Variants in MCTP1 observed in about 807,000 individuals in gnomAD.
MCTP1 encodes the protein multiple C2 and transmembrane domain containing 1, also known as multiple C2 and transmembrane domain-containing protein 1.
Under a neutral mutation model 120.6 loss-of-function variants are expected in MCTP1, and 69 were observed. The ratio of observed to expected loss-of-function variants is 0.57; its 90% CI spans 0.47 to 0.70. The LOEUF (loss-of-function observed/expected upper bound fraction) is 0.70, where lower values mean the gene tolerates loss of function less well. Ranked by LOEUF, MCTP1 falls within the 30% of genes least tolerant of loss-of-function variation. The probability of loss-of-function intolerance (pLI) is 0.00; values close to 1 mark genes in which losing one functional copy is unlikely to be tolerated. For synonymous variants in MCTP1, 529 were observed against 493.1 expected, an observed-to-expected ratio of 1.07 and a Z score of -0.96; for missense variants, 1,203 against 1,248.8, an observed-to-expected ratio of 0.96 and a Z score of 0.55.
At chr5:94,782,670 G>T (rs1374773694) in intron 18 of MCTP1, among the ~76,000 whole-genome samples, 3 of 152,102 alleles carry the variant, frequency 2.0e-5, no homozygotes, top group Admixed American at 2.0e-4. Flanking sequence ...CAAAAGAAGG[G>T]AGTCCTGGTA....
At chr5:95,047,347 G>C (rs1486354099) in intron 1 of MCTP1, among the ~76,000 whole-genome samples, 2 of 152,120 alleles carry the variant, frequency 1.3e-5, no homozygotes, top group African/African-American at 4.8e-5. Context: ...ACAGACTCAT[G>C]CTGCTCCCTG....
chr5:95,171,092 G>T (rs932932090), intron 1 of MCTP1, among the ~76,000 whole-genome samples: 1 of 152,060 alleles, frequency 6.6e-6, no homozygotes, highest in African/African-American at 2.4e-5. Flanking sequence ...AGGAGCTCTT[G>T]TAGGGCAGGC....
chr5:94,719,896 G>A (rs1480005569), intron 19 of MCTP1, among the ~76,000 whole-genome samples: 2 of 152,066 alleles, frequency 1.3e-5, no homozygotes, highest in East Asian at 1.9e-4. Context: ...TTGGGAGGCC[G>A]AGACAGGCAG....
chr5:95,048,927 A>G (rs1010734813), intron 1 of MCTP1, among the ~76,000 whole-genome samples: 7 of 152,158 alleles, frequency 4.6e-5, no homozygotes, highest in Non-Finnish European at 8.8e-5. Flanking sequence ...ATTTACTTCC[A>G]AAGAACTCCA....
At chr5:95,167,319 T>C (rs1746539279) in intron 1 of MCTP1, among the ~76,000 whole-genome samples, 1 of 152,352 alleles carries the variant, frequency 6.6e-6, no homozygotes, top group East Asian at 1.9e-4. Context: ...TGATGGACAT[T>C]TGGGTTGGTT....
At chr5:95,019,251 C>T (rs2153670891) in intron 1 of MCTP1, among the ~76,000 whole-genome samples, 1 of 152,208 alleles carries the variant, frequency 6.6e-6, no homozygotes, top group East Asian at 1.9e-4. Flanking sequence ...ACACATCTTT[C>T]ACCTCACTTG....
rs188619153 is a variant in MCTP1 at position 94,793,040 on chromosome 5, G to A, written c.2556+5973C>T. Among the ~76,000 whole-genome samples, 6 of 152,234 alleles carry A rather than the reference G, an allele frequency of 3.9e-5. No individual in the cohort carries two copies. In the East Asian group the frequency reaches 9.6e-4, roughly 24 times the overall value. On this transcript the variant is annotated intron_variant, in intron 18 of 22. Coordinates refer to ENST00000515393, the MANE Select transcript of MCTP1 (RefSeq NM_024717.7). ...GCTCAATCTGGCAACCCTAACTTGG[G>A]TAATTCATAGGGCTCAGGGCTGGAA...
chr5:94,847,722 A>G (rs1792791641), intron 17 of MCTP1, among the ~76,000 whole-genome samples: 1 of 135,436 alleles, frequency 7.4e-6, no homozygotes, highest in African/African-American at 2.8e-5. Flanking sequence ...TGGGGGTGTA[A>G]ATTTGAGAGA....
At chr5:94,888,034 T>C (rs567145872) in intron 12 of MCTP1, among the ~76,000 whole-genome samples, 1 of 148,606 alleles carries the variant, frequency 6.7e-6, no homozygotes, top group South Asian at 2.2e-4. Context: ...TCCAGAATGA[T>C]AAGTTGATAT....
At chr5:95,070,235 T>C (rs926217209) in intron 1 of MCTP1, among the ~76,000 whole-genome samples, 1 of 152,220 alleles carries the variant, frequency 6.6e-6, no homozygotes, top group Non-Finnish European at 1.5e-5. Context: ...CAGGCTACCC[T>C]GAGCCCAGCT....
At chr5:94,895,678 C>CTTA (rs1312789184) in intron 10 of MCTP1, among the ~76,000 whole-genome samples, 1 of 152,192 alleles carries the variant, frequency 6.6e-6, no homozygotes, top group Non-Finnish European at 1.5e-5. Flanking sequence ...CTTGCTCTTT[C>CTTA]TTATTCCTCA....
intron 17 of MCTP1, among the ~76,000 whole-genome samples, chr5:94,862,026 A>G (rs535475033): frequency 6.6e-6 from 1 of 151,968 alleles, no homozygotes; most frequent in South Asian, 2.1e-4. Flanking sequence ...TAGATTCAAT[A>G]TGGTATCATA....
chr5:94,924,089 A>G (rs1812393959), intron 6 of MCTP1, 68 bp from the exon 7 acceptor site: 3 of 926,668 alleles, frequency 3.2e-6, no homozygotes, highest in Non-Finnish European at 4.7e-6. Flanking sequence ...TGTAAATACA[A>G]ACAAATAAAA....
intron 19 of MCTP1, among the ~76,000 whole-genome samples, chr5:94,723,862 G>A (rs775761997): frequency 4.4e-4 from 67 of 150,650 alleles, no homozygotes; most frequent in Non-Finnish European, 8.1e-4. Context: ...AAGCCAGGAA[G>A]GAAAGAATGG....
rs184525545 is a variant in MCTP1, at chr5:94,757,242, G to A, written c.2610+21868C>T. ...AAGGGGACTTCCTATTGGCTGAAGC[G>A]TTTATTGGGTGGCAGGAGGCAGATT... is the stretch of plus-strand genomic sequence containing the variant. On this transcript the variant is annotated intron_variant, in intron 19 of 22. Coordinates refer to ENST00000515393, the MANE Select transcript of MCTP1 (RefSeq NM_024717.7). Among the ~76,000 whole-genome samples, 99 of 152,272 alleles carry A rather than the reference G, an allele frequency of 6.5e-4. 1 individual carries two copies. The highest frequency in any genetic ancestry group is 2.7e-3 in the South Asian group (13 of 4,832).
intron 10 of MCTP1, 122 bp downstream of exon 10, chr5:94,909,129 T>A: frequency 5.0e-6 from 6 of 1,204,708 alleles, no homozygotes; most frequent in Non-Finnish European, 6.9e-6. Flanking sequence ...AGCATTGCCT[T>A]ACCATGGTAA....
At chr5:94,956,357 C>T (rs1401802961) in intron 2 of MCTP1, among the ~76,000 whole-genome samples, 1 of 152,204 alleles carries the variant, frequency 6.6e-6, no homozygotes, top group Admixed American at 6.5e-5. Context: ...AATGCCTCTT[C>T]TCCTCCAAAG....
intron 1 of MCTP1, among the ~76,000 whole-genome samples, chr5:95,142,223 T>C (rs1759989954): frequency 6.6e-6 from 1 of 152,188 alleles, no homozygotes; most frequent in Non-Finnish European, 1.5e-5. Context: ...TTTAGCTTGG[T>C]CATTGTCTCC....
intron 1 of MCTP1, among the ~76,000 whole-genome samples, chr5:95,211,648 A>G (rs1185662518): frequency 6.6e-6 from 1 of 152,086 alleles, no homozygotes; most frequent in Non-Finnish European, 1.5e-5. Flanking sequence ...GAGTAGTTTG[A>G]TCATCTGAAG....
Sources: allele counts gnomAD v4.1 joint callset (sites outside exome capture counted in the v4.1 genomes callset), GRCh38; gene constraint gnomAD v4.1.1; transcripts MANE v1.5; gene names NCBI Gene and HGNC (gene_info 2026-07-23, HGNC 2026-07-21).